FHIT: variants seen among roughly 807,000 people sequenced by gnomAD.
The protein encoded by FHIT is bis(5'-adenosyl)-triphosphatase.
FHIT carries 19 observed loss-of-function variants against 17.9 expected under a neutral mutation model. That is an observed-to-expected ratio of 1.06 (90% CI 0.74 to 1.56). FHIT has a LOEUF of 1.56. Ranked by LOEUF, FHIT falls within the 40% of genes most tolerant of loss-of-function variation. The pLI, the probability that FHIT is intolerant of heterozygous loss-of-function variation, is 0.00. For synonymous variants in FHIT, 81 were observed against 69.7 expected, an observed-to-expected ratio of 1.16 and a Z score of -0.81; for missense variants, 248 against 189.2, an observed-to-expected ratio of 1.31 and a Z score of -1.82.
intron 4 of FHIT, among the ~76,000 whole-genome samples, chr3:60,710,074 TAAAAAAA>T (rs782196858): frequency 1.2e-5 from 1 of 80,592 alleles, no homozygotes; most frequent in Non-Finnish European, 2.5e-5. Context: ...CACAGAATGC[TAAAAAAA>T]AAAAAAAAAA....
chr3:60,184,486 A>T (rs375870027), intron 5 of FHIT, among the ~76,000 whole-genome samples: 5 of 152,216 alleles, frequency 3.3e-5, no homozygotes, highest in African/African-American at 9.6e-5. Context: ...TCATGATTGC[A>T]CTATGTCTAT....
At chr3:60,419,022 C>T (rs951790794) in intron 5 of FHIT, among the ~76,000 whole-genome samples, 1 of 152,196 alleles carries the variant, frequency 6.6e-6, no homozygotes, top group African/African-American at 2.4e-5. Context: ...AAATGACCTT[C>T]ATCATCTTCA....
At chr3:60,108,812 C>T (rs545699505) in intron 5 of FHIT, among the ~76,000 whole-genome samples, 29 of 152,104 alleles carry the variant, frequency 1.9e-4, no homozygotes, top group Non-Finnish European at 2.5e-4. Flanking sequence ...CACAGGTGTG[C>T]GCCACCAAGC....
intron 8 of FHIT, among the ~76,000 whole-genome samples, chr3:59,885,137 A>G (rs1265194247): frequency 6.6e-6 from 1 of 152,256 alleles, no homozygotes; most frequent in Non-Finnish European, 1.5e-5. Flanking sequence ...GGCGCAAAAG[A>G]AAGCTCATCA....
intron 2 of FHIT, among the ~76,000 whole-genome samples, chr3:61,199,280 A>G (rs960451233): frequency 6.6e-6 from 1 of 152,230 alleles, no homozygotes; most frequent in Non-Finnish European, 1.5e-5. Flanking sequence ...AAAAGATTAC[A>G]AAGTTGTTAA....
chr3:60,341,000 T>G (rs150454577), intron 5 of FHIT, among the ~76,000 whole-genome samples: 2 of 152,136 alleles, frequency 1.3e-5, no homozygotes, highest in Admixed American at 1.3e-4. Context: ...ATATGAGAAT[T>G]TTTTTTAAAT....
intron 3 of FHIT, among the ~76,000 whole-genome samples, chr3:60,927,914 T>A (rs1428536731): frequency 1.3e-5 from 2 of 152,244 alleles, no homozygotes; most frequent in African/African-American, 4.8e-5. Flanking sequence ...TGTTACTGTG[T>A]CTGTGTAGAA....
rs549056768 is a variant in FHIT, at chr3:60,718,927, T to C, written c.-18+102992A>G. Among the ~76,000 whole-genome samples the C allele has an allele frequency of 3.0e-4, 46 of 152,348 alleles. 1 individual carries two copies. The highest frequency in any genetic ancestry group is 6.0e-4 in the Non-Finnish European group (41 of 68,024). On this transcript the variant is annotated intron_variant, in intron 4 of 9. Transcript: ENST00000492590. ...CTTTGATGCTTTTTTATTTAGCTTC[T>C]GACTGGGCTAGAGTTCTCTGGGACA...
At chr3:60,088,763 T>C (rs1703606475) in intron 5 of FHIT, among the ~76,000 whole-genome samples, 1 of 149,464 alleles carries the variant, frequency 6.7e-6, no homozygotes, top group African/African-American at 2.5e-5. Flanking sequence ...TAGCATTTGC[T>C]GCATATGTCC....
chr3:60,025,166 G>C (rs138796540), intron 5 of FHIT, among the ~76,000 whole-genome samples: 8 of 152,160 alleles, frequency 5.3e-5, no homozygotes, highest in Non-Finnish European at 1.0e-4. Context: ...ACCATTTGGA[G>C]ACTTTTCTTT....
intron 4 of FHIT, among the ~76,000 whole-genome samples, chr3:60,568,836 A>G (rs775188421): frequency 1.3e-5 from 2 of 152,188 alleles, no homozygotes; most frequent in African/African-American, 2.4e-5. Context: ...GGTAGAAGGT[A>G]TGAAGAGGTC....
At chr3:60,409,047 T>C (rs1701973936) in intron 5 of FHIT, among the ~76,000 whole-genome samples, 1 of 152,232 alleles carries the variant, frequency 6.6e-6, no homozygotes, top group Admixed American at 6.5e-5. Flanking sequence ...TCCTGCAAGT[T>C]CCTTACTATT....
At chr3:60,712,645 G>C (rs2041569094) in intron 4 of FHIT, among the ~76,000 whole-genome samples, 1 of 152,010 alleles carries the variant, frequency 6.6e-6, no homozygotes, top group Non-Finnish European at 1.5e-5. Context: ...TGATAAAACA[G>C]ACTTTAAACC....
intron 3 of FHIT, among the ~76,000 whole-genome samples, chr3:60,972,737 A>G (rs960000192): frequency 1.3e-5 from 2 of 151,568 alleles, no homozygotes; most frequent in African/African-American, 4.8e-5. Flanking sequence ...CTCTTATAAA[A>G]TTTTCTTTAT....
intron 5 of FHIT, among the ~76,000 whole-genome samples, chr3:60,142,499 G>T (rs1040710974): frequency 6.6e-5 from 10 of 151,812 alleles, no homozygotes; most frequent in Admixed American, 1.3e-4. Context: ...TTAATTTTTT[G>T]TTGTTGTTAT....
intron 5 of FHIT, among the ~76,000 whole-genome samples, chr3:60,066,315 C>G (rs1487562235): frequency 3.9e-5 from 6 of 152,182 alleles, no homozygotes; most frequent in Non-Finnish European, 8.8e-5. Context: ...CCAACGATAT[C>G]TAAGAGCTTC....
At chr3:60,453,066 A>C (rs1250578406) in intron 5 of FHIT, among the ~76,000 whole-genome samples, 1 of 152,224 alleles carries the variant, frequency 6.6e-6, no homozygotes, top group Non-Finnish European at 1.5e-5. Flanking sequence ...TGCTAAAACA[A>C]AATTAAATAC....
intron 4 of FHIT, among the ~76,000 whole-genome samples, chr3:60,595,509 G>A (rs797028029): frequency 5.5e-5 from 6 of 109,398 alleles, no homozygotes; most frequent in African/African-American, 2.3e-4. Flanking sequence ...GTGTGTGTGT[G>A]TATATATATA....
At chr3:60,537,101 T>C in intron 4 of FHIT, 122 bp from the exon 5 acceptor site, 1 of 741,918 alleles carries the variant, frequency 1.3e-6, no homozygotes, top group Non-Finnish European at 2.0e-6. Flanking sequence ...GCCATTGAAA[T>C]TGTTCCTCAT....
Sources: gnomAD v4.1 joint callset for allele counts (sites outside exome capture counted in the v4.1 genomes callset) on GRCh38, gnomAD v4.1.1 for gene constraint, MANE v1.5 for transcripts, NCBI Gene and HGNC (gene_info 2026-07-23, HGNC 2026-07-21) for gene names.